The following GALNT13 variants were observed in gnomAD, a reference collection of about 807,000 sequenced individuals.
The protein encoded by GALNT13 is UDP-GalNAc:polypeptide N-acetylgalactosaminyltransferase 13.
A neutral mutation model predicts 64.2 loss-of-function variants in GALNT13; 28 were observed. The ratio of observed to expected loss-of-function variants is 0.44; its 90% CI spans 0.32 to 0.60. The LOEUF (loss-of-function observed/expected upper bound fraction) is 0.60, where lower values mean the gene tolerates loss of function less well. Among genes scored for constraint, GALNT13 ranks in the 20% least tolerant of loss-of-function variants. The probability of loss-of-function intolerance (pLI) is 0.05; values close to 1 mark genes in which losing one functional copy is unlikely to be tolerated. For synonymous variants in GALNT13, 214 were observed against 224.6 expected, an observed-to-expected ratio of 0.95 and a Z score of 0.42; for missense variants, 577 against 669.8, an observed-to-expected ratio of 0.86 and a Z score of 1.53.
the GALNT13 span, among the ~76,000 whole-genome samples, chr2:153,823,933 A>G: frequency 6.6e-6 from 1 of 152,188 alleles, no homozygotes; most frequent in African/African-American, 2.4e-5. Flanking sequence ...AAAACCAAAT[A>G]ACCCCATTAA....
intron 3 of GALNT13, among the ~76,000 whole-genome samples, chr2:153,997,106 GA>G (rs1237611843): frequency 1.3e-5 from 2 of 152,056 alleles, no homozygotes; most frequent in Non-Finnish European, 2.9e-5. Flanking sequence ...CAGGTAATTG[GA>G]TACCTCCATC....
chr2:154,067,336 A>G (rs1051902390), intron 3 of GALNT13, among the ~76,000 whole-genome samples: 8 of 152,090 alleles, frequency 5.3e-5, no homozygotes, highest in Admixed American at 1.3e-4. Context: ...ATCAAAAGGC[A>G]TAGAGTGGCT....
Position 153,976,171 on chromosome 2 carries a change from A to G in GALNT13, c.142+31532A>G, listed in dbSNP as rs571879290. On this transcript the variant is annotated intron_variant, in intron 3 of 12. Coordinates refer to ENST00000392825, the MANE Select transcript of GALNT13 (RefSeq NM_052917.4). ...ACAACCTGTAGAGGATATGTTCTAT[A>G]AAAGTGAAAATTTGTATATCTTATT... Among the ~76,000 whole-genome samples the G allele has an allele frequency of 2.4e-4, 37 of 152,228 alleles. No individual in the cohort carries two copies. In the South Asian group the frequency reaches 7.7e-3, roughly 32 times the overall value.
intron 4 of GALNT13, among the ~76,000 whole-genome samples, chr2:154,224,936 A>G (rs1688510208): frequency 6.6e-6 from 1 of 152,164 alleles, no homozygotes; most frequent in African/African-American, 2.4e-5. Context: ...ACAAACGTCA[A>G]ACTGATAGAA....
chr2:153,093,238 T>TTC, the GALNT13 span, among the ~76,000 whole-genome samples: 136 of 142,706 alleles, frequency 9.5e-4, 4 homozygotes, highest in East Asian at 0.023. Context: ...TTTCTTTTCT[T>TTC]TTCTTTTTTT....
the GALNT13 span, among the ~76,000 whole-genome samples, chr2:153,628,612 T>C: frequency 2.0e-5 from 3 of 152,132 alleles, no homozygotes; most frequent in Non-Finnish European, 2.9e-5. Flanking sequence ...ATCACGTGGT[T>C]TTTGTCTTTG....
chr2:154,249,925 A>G (rs1258355031), intron 7 of GALNT13, among the ~76,000 whole-genome samples: 1 of 152,082 alleles, frequency 6.6e-6, no homozygotes, highest in Non-Finnish European at 1.5e-5. Flanking sequence ...CATCATTAGT[A>G]TCTCTGATTA....
At chr2:153,364,413 A>AGG in the GALNT13 span, among the ~76,000 whole-genome samples, 1 of 151,350 alleles carries the variant, frequency 6.6e-6, no homozygotes, top group Admixed American at 6.6e-5. Context: ...GAAAAAAAAA[A>AGG]GAATTCAGAT....
At chr2:153,853,833 G>A in the GALNT13 span, among the ~76,000 whole-genome samples, 2 of 151,368 alleles carry the variant, frequency 1.3e-5, no homozygotes, top group Non-Finnish European at 2.9e-5. Context: ...GTGACAGGAA[G>A]CAGAATAATG....
chr2:153,703,745 A>C, the GALNT13 span, among the ~76,000 whole-genome samples: 1 of 152,082 alleles, frequency 6.6e-6, no homozygotes, highest in Non-Finnish European at 1.5e-5. Flanking sequence ...TTCAGCCTGC[A>C]TTTCCTTTTT....
At chr2:153,544,784 T>A in the GALNT13 span, among the ~76,000 whole-genome samples, 5 of 152,174 alleles carry the variant, frequency 3.3e-5, no homozygotes, top group Non-Finnish European at 7.3e-5. Context: ...AATACTGAAG[T>A]ATGTAGTTAT....
At chr2:154,239,089 C>T (rs1461994859) in intron 4 of GALNT13, among the ~76,000 whole-genome samples, 2 of 151,944 alleles carry the variant, frequency 1.3e-5, no homozygotes, top group Non-Finnish European at 2.9e-5. Context: ...TCTAAGTAAA[C>T]ATGATAGCTA....
At chr2:154,108,800 C>A (rs1023004737) in intron 3 of GALNT13, among the ~76,000 whole-genome samples, 1 of 151,966 alleles carries the variant, frequency 6.6e-6, no homozygotes, top group African/African-American at 2.4e-5. Context: ...TTTCATTTTT[C>A]TGCATGTGGA....
intron 3 of GALNT13, among the ~76,000 whole-genome samples, chr2:153,994,590 C>A (rs542999730): frequency 2.1e-4 from 32 of 152,250 alleles, no homozygotes; most frequent in African/African-American, 7.5e-4. Flanking sequence ...TGTTTCCTGA[C>A]TTTTTAATGA....
At chr2:154,314,234 A>T (rs975486353) in intron 9 of GALNT13, among the ~76,000 whole-genome samples, 1 of 152,186 alleles carries the variant, frequency 6.6e-6, no homozygotes, top group Non-Finnish European at 1.5e-5. Flanking sequence ...TGAATAGCTT[A>T]AAATTATATG....
chr2:153,437,624 T>C, the GALNT13 span, among the ~76,000 whole-genome samples: 1 of 152,222 alleles, frequency 6.6e-6, no homozygotes, highest in Admixed American at 6.5e-5. Context: ...TTAAAGTCTG[T>C]TTTATCAGAG....
the GALNT13 span, among the ~76,000 whole-genome samples, chr2:153,289,673 A>G: frequency 3.3e-5 from 5 of 152,276 alleles, no homozygotes; most frequent in African/African-American, 1.2e-4. Flanking sequence ...TACTTTTAAA[A>G]TCATTTGAAA....
chr2:154,263,212 T>C (rs1054846043), intron 8 of GALNT13, among the ~76,000 whole-genome samples: 9 of 152,206 alleles, frequency 5.9e-5, no homozygotes, highest in African/African-American at 1.9e-4. Context: ...AACACCCAGC[T>C]CTGGCACTTA....
At chr2:153,138,644 T>A in the GALNT13 span, among the ~76,000 whole-genome samples, 1 of 152,102 alleles carries the variant, frequency 6.6e-6, no homozygotes, top group Admixed American at 6.6e-5. Flanking sequence ...GGTAGCCATA[T>A]AAAAATAGTT....
Sources: allele counts gnomAD v4.1 joint callset (sites outside exome capture counted in the v4.1 genomes callset), GRCh38; gene constraint gnomAD v4.1.1; transcripts MANE v1.5; gene names NCBI Gene and HGNC (gene_info 2026-07-23, HGNC 2026-07-21).